SEPTIN10: variants seen among roughly 807,000 people sequenced by gnomAD.
The protein encoded by SEPTIN10 is septin-10.
A neutral mutation model predicts 54.8 loss-of-function variants in SEPTIN10; 66 were observed. The ratio of observed to expected loss-of-function variants is 1.21; its 90% confidence interval spans 0.99 to 1.48. SEPTIN10 has a LOEUF of 1.48. Among genes scored for constraint, SEPTIN10 ranks in the 40% most tolerant of loss-of-function variants. The pLI is 0.00. For synonymous variants in SEPTIN10, 161 were observed against 181.0 expected (o/e 0.89, Z 0.89); for missense variants, 620 against 545.6 (o/e 1.14, Z -1.36).
chr2:109,546,005 A>G lies in SEPTIN10; in HGVS notation c.1349+45T>C, dbSNP rs780093642. 6 of 1,524,700 alleles carry G rather than the reference A, an allele frequency of 3.9e-6. No individual in the cohort carries two copies. The African/African-American group carries it at 5.6e-5, about 14-fold the overall frequency. The allele number at this position is 1,524,700 out of a possible 1,614,324, so 94.4% of individuals were successfully genotyped here. A position where few individuals can be genotyped will look rare whatever the true frequency, so the allele number is the denominator to read the frequency against. On this transcript the variant is annotated intron_variant, in intron 10 of 10. Transcript: ENST00000397712. ...TAGGAAGATCCGACAGGGCAATGTG[A>G]CAAGTGTGGGCAGGGCTGCCAGGGA...
intron 4 of SEPTIN10, among the ~76,000 whole-genome samples, chr2:109,575,934 C>T (rs1281494185): frequency 1.3e-5 from 2 of 152,142 alleles, no homozygotes; most frequent in African/African-American, 4.8e-5. Flanking sequence ...AGGACTGAGA[C>T]AGTATCTTAT....
chr2:109,613,891 G>A lies in SEPTIN10; in HGVS notation c.-64C>T. 1 of 1,229,410 alleles carries A rather than the reference G, an allele frequency of 8.1e-7. No individual in the cohort carries two copies. Among genetic ancestry groups the A allele is most frequent in the African/African-American group, 1.6e-5 (1 of 64,228 alleles). 76.2% of individuals were successfully genotyped at this position (1,229,410 alleles called of 1,614,324 possible). A position where few individuals can be genotyped will look rare whatever the true frequency, so the allele number is the denominator to read the frequency against. On this transcript the variant is annotated 5_prime_UTR_variant, in exon 1 of 11. Transcript: ENST00000397712. ...CCGGCCCCGAGCGGCTGGTCCCGGCGACGGCGGCGGGAAGGCCGGAGGGCA... is the reference window on the plus strand; with the variant it reads ...CCGGCCCCGAGCGGCTGGTCCCGGCAACGGCGGCGGGAAGGCCGGAGGGCA...
rs562796959 is a variant in SEPTIN10 at position 109,544,251 on chromosome 2, T to G, written c.*58A>C. The stretch of plus-strand genomic sequence containing the variant: ...CAGCAAAATCAAAGCACACTTCTAG[T>G]TTTTTTTTAATAAAGTTTGCTTGTG... On this transcript the variant is annotated 3_prime_UTR_variant, in exon 11 of 11. Transcript: ENST00000397712. 6.2e-6 allele frequency: 10 copies of G among 1,604,326 alleles called. No individual in the cohort carries two copies. In the East Asian group the frequency reaches 2.0e-4, roughly 32 times the overall value.
At chr2:109,552,569 T>C (rs1303193724) in intron 9 of SEPTIN10, 1 of 152,458 alleles carries the variant, frequency 6.6e-6, no homozygotes, top group African/African-American at 2.4e-5. Flanking sequence ...TTGGGAAGCA[T>C]CACAGTAAGA....
chr2:109,552,213 A>C (rs893858123), intron 9 of SEPTIN10, among the ~76,000 whole-genome samples: 4 of 152,168 alleles, frequency 2.6e-5, no homozygotes, highest in Admixed American at 2.0e-4. Context: ...TCCGTGGAAA[A>C]ACTGTCTTCC....
At chr2:109,611,727 A>G (rs1268276246) in intron 1 of SEPTIN10, among the ~76,000 whole-genome samples, 3 of 152,178 alleles carry the variant, frequency 2.0e-5, no homozygotes, top group African/African-American at 4.8e-5. Context: ...TCTTGGCACC[A>G]CTGCACTCTA....
chr2:109,602,982 G>T (rs988768334), intron 1 of SEPTIN10, among the ~76,000 whole-genome samples: 1 of 151,290 alleles, frequency 6.6e-6, no homozygotes. Context: ...GAGGCAGGAG[G>T]ATCATCTGAG....
At chr2:109,545,106 G>GT (rs1680842863) in intron 10 of SEPTIN10, 2 of 985,422 alleles carry the variant, frequency 2.0e-6, no homozygotes, top group South Asian at 4.7e-5. Context: ...AATAGATGCA[G>GT]TGAGAGCATT....
At chr2:109,580,907 G>C (rs1412903834) in intron 4 of SEPTIN10, among the ~76,000 whole-genome samples, 1 of 152,164 alleles carries the variant, frequency 6.6e-6, no homozygotes. Flanking sequence ...AGGAAACCCA[G>C]ACAGGAGTTC....
At chr2:109,592,819 A>C (rs933142493) in intron 2 of SEPTIN10, among the ~76,000 whole-genome samples, 1 of 152,062 alleles carries the variant, frequency 6.6e-6, no homozygotes, top group African/African-American at 2.4e-5. Context: ...AGAAAAAAAA[A>C]TTTCCTTAAT....
At chr2:109,584,884 G>C (rs1692107809) in intron 4 of SEPTIN10, among the ~76,000 whole-genome samples, 1 of 152,006 alleles carries the variant, frequency 6.6e-6, no homozygotes, top group Non-Finnish European at 1.5e-5. Context: ...AGCTACTTTT[G>C]CTGAAATGCA....
intron 8 of SEPTIN10, among the ~76,000 whole-genome samples, chr2:109,562,099 G>A (rs1020287760): frequency 6.6e-6 from 1 of 151,968 alleles, no homozygotes; most frequent in Admixed American, 6.6e-5. Context: ...TATAGTCCCA[G>A]CTACTCAGGA....
In SEPTIN10 at chr2:109,585,704, G is replaced by C; in HGVS notation, c.217+17C>G. The C allele has an allele frequency of 6.6e-7, 1 of 1,520,654 alleles. No individual in the cohort carries two copies. The highest frequency in any genetic ancestry group is 9.1e-7 in the Non-Finnish European group (1 of 1,096,452). The allele number at this position is 1,520,654 out of a possible 1,614,324, so 94.2% of individuals were successfully genotyped here. A position where few individuals can be genotyped will look rare whatever the true frequency, so the allele number is the denominator to read the frequency against. The stretch of plus-strand genomic sequence containing the variant: ...AATATGAAGGAACAACTTAGAGGAA[G>C]AGTAGGTGGCACGTACCCACACAGA... On this transcript the variant is annotated intron_variant, in intron 3 of 10. Transcript: ENST00000397712.
intron 4 of SEPTIN10, among the ~76,000 whole-genome samples, chr2:109,578,646 A>T (rs1228830158): frequency 6.6e-6 from 1 of 152,140 alleles, no homozygotes; most frequent in Non-Finnish European, 1.5e-5. Flanking sequence ...GGGCACCTGT[A>T]ATCCCAGCTA....
rs754620140 is a variant in SEPTIN10 at position 109,585,747 on chromosome 2, C to G, written c.191G>C (p.Gly64Ala). ...DQLVNRSIQQ[G>A]FCFNILCVGE... The stretch of plus-strand genomic sequence containing the variant: ...CACACAGAGAATATTAAAGCAGAAA[C>G]CTTGCTGAATGGATCTGTTCACCAG... The change falls in exon 3 of 11, where the codon GGT becomes GCT. Residue 64 changes from glycine to alanine, a missense_variant. Coordinates refer to ENST00000397712, the MANE Select transcript of SEPTIN10 (RefSeq NM_144710.5). 16 of 1,613,296 alleles carry G rather than the reference C, an allele frequency of 9.9e-6. No individual in the cohort carries two copies. The Admixed American group carries it at 1.0e-4, about 10-fold the overall frequency.
intron 8 of SEPTIN10, among the ~76,000 whole-genome samples, chr2:109,557,700 C>G (rs1156779984): frequency 6.6e-6 from 1 of 152,116 alleles, no homozygotes; most frequent in Non-Finnish European, 1.5e-5. Flanking sequence ...TAAAGAAAGT[C>G]AGATCTGAAA....
At chr2:109,571,008 TG>T (rs1316391703) in intron 5 of SEPTIN10, among the ~76,000 whole-genome samples, 1 of 152,198 alleles carries the variant, frequency 6.6e-6, no homozygotes, top group Admixed American at 6.5e-5. Flanking sequence ...GACTGGATCA[TG>T]GGGACAGAGT....
chr2:109,555,316 C>T (rs979194156), intron 8 of SEPTIN10, among the ~76,000 whole-genome samples: 1 of 152,208 alleles, frequency 6.6e-6, no homozygotes, highest in Non-Finnish European at 1.5e-5. Context: ...GTTTCAGCCA[C>T]ACCAACCTGT....
chr2:109,576,722 T>G (rs954735669), intron 4 of SEPTIN10, among the ~76,000 whole-genome samples: 3 of 152,216 alleles, frequency 2.0e-5, no homozygotes, highest in Non-Finnish European at 1.5e-5. Context: ...TCTTATGCTA[T>G]TCAAGCATGA....
Sources: allele counts gnomAD v4.1 joint callset (sites outside exome capture counted in the v4.1 genomes callset), GRCh38; gene constraint gnomAD v4.1.1; transcripts MANE v1.5; gene names NCBI Gene and HGNC (gene_info 2026-07-23, HGNC 2026-07-21).